CREBRF: variants seen among roughly 807,000 people sequenced by gnomAD.
The protein encoded by CREBRF is UPF0474 protein C5orf41.
CREBRF carries 5 observed loss-of-function variants against 66.1 expected under a neutral mutation model. The ratio of observed to expected loss-of-function variants is 0.08; its 90% confidence interval spans 0.04 to 0.16. CREBRF has a LOEUF of 0.16. Among genes scored for constraint, CREBRF ranks in the 10% least tolerant of loss-of-function variants. The pLI is 1.00. For synonymous variants in CREBRF, 229 were observed against 264.4 expected, an observed-to-expected ratio of 0.87 and a Z score of 1.30; for missense variants, 531 against 744.9, an observed-to-expected ratio of 0.71 and a Z score of 3.34.
At chr5:173,109,122 C>T (rs138072763) in intron 5 of CREBRF, 91 of 268,822 alleles carry the variant, frequency 3.4e-4, no homozygotes, top group African/African-American at 1.9e-3. Context: ...TGACCTGTCA[C>T]AGTTGGTATA....
Position 173,133,891 on chromosome 5 carries a change from G to A in CREBRF, c.*146G>A, listed in dbSNP as rs1759530010. ...GTTTTAAGAACTAAGTAGCATAAGT[G>A]AAGCATGATCCAAAATACTTGATTA... On this transcript the variant is annotated 3_prime_UTR_variant, in exon 9 of 9. Coordinates refer to ENST00000296953, the MANE Select transcript of CREBRF (RefSeq NM_153607.3). The A allele has an allele frequency of 2.0e-6, 1 of 491,144 alleles. No individual in the cohort carries two copies. Among genetic ancestry groups the A allele is most frequent in the East Asian group, 3.4e-5 (1 of 29,008 alleles). The allele number at this position is 491,144 out of a possible 1,614,324, so 30.4% of individuals were successfully genotyped here. A position where few individuals can be genotyped will look rare whatever the true frequency, so the allele number is the denominator to read the frequency against.
chr5:173,072,247 A>G (rs1757617992), intron 1 of CREBRF, among the ~76,000 whole-genome samples: 1 of 151,756 alleles, frequency 6.6e-6, no homozygotes, highest in African/African-American at 2.4e-5. Flanking sequence ...AGCTAGGACT[A>G]TAGGCATGTG....
intron 1 of CREBRF, among the ~76,000 whole-genome samples, chr5:173,065,693 A>T (rs1214448685): frequency 7.5e-6 from 1 of 133,702 alleles, no homozygotes; most frequent in Non-Finnish European, 1.5e-5. Context: ...TAAAGACAGG[A>T]TGGTGCAGTG....
rs2113725860 is a variant in CREBRF, at chr5:173,086,645, G to A, written c.135+19G>A. 11 of 1,591,898 alleles carry A rather than the reference G, an allele frequency of 6.9e-6. No homozygotes were observed. Among genetic ancestry groups the A allele is most frequent in the Middle Eastern group, 1.7e-4 (1 of 5,976 alleles). ...TGAACTGGTAAGCAACATTTTCTTG[G>A]TTTTGGTCTTGATTGATTTGGGGTA... On this transcript the variant is annotated intron_variant, in intron 3 of 8. Coordinates refer to ENST00000296953, the MANE Select transcript of CREBRF (RefSeq NM_153607.3).
chr5:173,082,814 C>T (rs1482766826), intron 2 of CREBRF, among the ~76,000 whole-genome samples: 4 of 140,722 alleles, frequency 2.8e-5, no homozygotes, highest in African/African-American at 5.3e-5. Flanking sequence ...AAGGCTGAGG[C>T]GGGAGAATCG....
At chr5:173,059,265 C>CTTTTTTTTTTTT (rs60946984) in intron 1 of CREBRF, among the ~76,000 whole-genome samples, 2 of 65,582 alleles carry the variant, frequency 3.0e-5, no homozygotes, top group African/African-American at 8.0e-5. Context: ...TCTTTTTTTT[C>CTTTTTTTTTTTT]TTTTTTTTTT....
intron 8 of CREBRF, among the ~76,000 whole-genome samples, chr5:173,132,233 C>T (rs182587084): frequency 8.3e-4 from 124 of 148,736 alleles, no homozygotes; most frequent in African/African-American, 2.9e-3. Context: ...TTACAGGTAC[C>T]CGCCACCATG....
intron 4 of CREBRF, among the ~76,000 whole-genome samples, chr5:173,099,362 C>T (rs1207598950): frequency 2.0e-5 from 3 of 152,104 alleles, no homozygotes; most frequent in African/African-American, 7.2e-5. Context: ...CCCTATGTTG[C>T]CTAGGCTGGT....
At chr5:173,084,605 T>A (rs1487830642) in intron 2 of CREBRF, among the ~76,000 whole-genome samples, 1 of 151,234 alleles carries the variant, frequency 6.6e-6, no homozygotes, top group African/African-American at 2.4e-5. Flanking sequence ...ACGCGGCATT[T>A]GTCATTATTG....
At chr5:173,129,015 C>T (rs1031915205) in intron 8 of CREBRF, among the ~76,000 whole-genome samples, 87 of 150,158 alleles carry the variant, frequency 5.8e-4, no homozygotes, top group Middle Eastern at 3.5e-3. Flanking sequence ...CTCCTGACCT[C>T]GTGATCCACC....
chr5:173,090,617 C>T lies in CREBRF; in HGVS notation c.438C>T (p.Asp146=), dbSNP rs1758296722. The T allele has an allele frequency of 1.2e-6, 2 of 1,613,986 alleles. No individual in the cohort carries two copies. Residue 146 remains aspartate, a synonymous_variant, in exon 4 of 9, where the codon GAC becomes GAT. Transcript: ENST00000296953. This position sits in a 1 kb window ranked among gnomAD's most constrained non-coding sequence, Gnocchi z 4.5. ...TPTLAQLNSE[D]SQSVSDSLYY... ...CTTTAGCTCAACTTAATAGTGAGGA[C>T]TCACAGTCTGTTTCTGATTCCCTTT...
chr5:173,098,129 T>C (rs985354752), intron 4 of CREBRF, among the ~76,000 whole-genome samples: 7 of 152,082 alleles, frequency 4.6e-5, no homozygotes, highest in African/African-American at 1.7e-4. Flanking sequence ...TTTGACCCAT[T>C]GGTTGTTCAG....
chr5:173,105,367 G>C (rs1581690045), intron 4 of CREBRF, among the ~76,000 whole-genome samples: 1 of 152,092 alleles, frequency 6.6e-6, no homozygotes, highest in Admixed American at 6.5e-5. Context: ...AGGTGGGAGT[G>C]TTTTGGTTGG....
intron 1 of CREBRF, among the ~76,000 whole-genome samples, chr5:173,064,653 C>G (rs1471373427): frequency 6.6e-6 from 1 of 151,778 alleles, no homozygotes; most frequent in South Asian, 2.1e-4. Context: ...CAACCTCCAC[C>G]TCCCGGGTTC....
At chr5:173,097,315 G>A (rs569912926) in intron 4 of CREBRF, among the ~76,000 whole-genome samples, 4 of 152,020 alleles carry the variant, frequency 2.6e-5, no homozygotes, top group African/African-American at 7.2e-5. Context: ...GCATGAACTC[G>A]GCTCACTGCA....
chr5:173,119,021 C>T (rs1314410963), intron 7 of CREBRF, among the ~76,000 whole-genome samples: 1 of 152,142 alleles, frequency 6.6e-6, no homozygotes, highest in Admixed American at 6.5e-5. Flanking sequence ...CCATTGCACC[C>T]AGTCATGTAG....
chr5:173,101,138 T>C (rs184400047), intron 4 of CREBRF, among the ~76,000 whole-genome samples: 47 of 152,296 alleles, frequency 3.1e-4, no homozygotes, highest in African/African-American at 1.1e-3. Flanking sequence ...CCTAGCTTAC[T>C]GCACCCTCAA....
chr5:173,109,706 C>T (rs1478158305), intron 5 of CREBRF: 4 of 152,192 alleles, frequency 2.6e-5, no homozygotes, highest in South Asian at 2.1e-4. Context: ...ATTCACTCAT[C>T]GTACGAATGT....
chr5:173,104,705 C>CAAATTCAGAGAGAG (rs1758707886), intron 4 of CREBRF, among the ~76,000 whole-genome samples: 2 of 148,536 alleles, frequency 1.3e-5, no homozygotes, highest in African/African-American at 2.5e-5. Context: ...CTTTAGGCAA[C>CAAATTCAGAGAGAG]AAATTCAGAG....
Sources: allele counts gnomAD v4.1 joint callset (sites outside exome capture counted in the v4.1 genomes callset), GRCh38; gene constraint gnomAD v4.1.1; non-coding constraint Gnocchi (gnomAD v3.1); transcripts MANE v1.5; gene names NCBI Gene and HGNC (gene_info 2026-07-23, HGNC 2026-07-21).